Variants in IL11RA observed in about 807,000 individuals in gnomAD.
IL11RA encodes interleukin 11 receptor subunit alpha, also known as interleukin-11 receptor subunit alpha.
Under a neutral mutation model 57.0 loss-of-function variants are expected in IL11RA, and 51 were observed. The observed-to-expected ratio is 0.89, with a 90% CI of 0.71 to 1.13. The LOEUF (loss-of-function observed/expected upper bound fraction) is 1.13, where lower values mean the gene tolerates loss of function less well. Ranked by LOEUF, IL11RA falls within the 50% of genes most tolerant of loss-of-function variation. The probability of loss-of-function intolerance (pLI) is 0.00; values close to 1 mark genes in which losing one functional copy is unlikely to be tolerated. For synonymous variants in IL11RA, 199 were observed against 217.5 expected (o/e 0.91, Z 0.75); for missense variants, 498 against 539.4 (o/e 0.92, Z 0.76).
rs1039512491 is a variant in IL11RA at position 34,655,908 on chromosome 9, C to T, written c.161+243C>T. On this transcript the variant is annotated intron_variant, in intron 3 of 12. Coordinates refer to ENST00000441545, the MANE Select transcript of IL11RA (RefSeq NM_001142784.3). The stretch of plus-strand genomic sequence containing the variant: ...GCAGTGCTAATGCCAGGCAAGGTGC[C>T]TGCCTTCAAAGAGCTTACATCTTAG... 24 of 576,174 alleles carry T rather than the reference C, an allele frequency of 4.2e-5. 1 individual carries two copies. Among genetic ancestry groups the T allele is most frequent in the Middle Eastern group, 9.4e-4 (2 of 2,138 alleles). 35.7% of individuals were successfully genotyped at this position (576,174 alleles called of 1,614,324 possible).
intron 5 of IL11RA, 62 bp from the exon 6 acceptor site, chr9:34,657,241 C>T (rs1281836684): frequency 6.2e-7 from 1 of 1,612,378 alleles, no homozygotes; most frequent in Non-Finnish European, 8.5e-7. Flanking sequence ...CTGAGGAAAG[C>T]CTCAGAGAGG....
At chr9:34,659,584 G>A (rs1282201147) in intron 8 of IL11RA, among the ~76,000 whole-genome samples, 175 bp from the exon 9 acceptor site, 1 of 152,154 alleles carries the variant, frequency 6.6e-6, no homozygotes, top group African/African-American at 2.4e-5. Flanking sequence ...AATCACTACT[G>A]CCGTCTTACA....
chr9:34,655,526 G>A, intron 2 of IL11RA, 79 bp from the exon 3 acceptor site: 1 of 1,339,406 alleles, frequency 7.5e-7, no homozygotes, highest in Non-Finnish European at 1.1e-6. Flanking sequence ...GGTTTTAACA[G>A]TCTGCTTCTT....
rs746625153 is a variant in IL11RA at position 34,655,335 on chromosome 9, C to G, written c.100+18C>G. 1.1e-5 allele frequency: 15 copies of G among 1,405,744 alleles called. 1 individual carries two copies. The highest frequency in any genetic ancestry group is 1.1e-4 in the South Asian group (9 of 85,138). 87.1% of individuals were successfully genotyped at this position (1,405,744 alleles called of 1,614,324 possible). A position where few individuals can be genotyped will look rare whatever the true frequency, so the allele number is the denominator to read the frequency against. On this transcript the variant is annotated intron_variant, in intron 2 of 12. Transcript: ENST00000441545. ...CCCCCCAGGTGAGAAGAACCCTGCTCTACAACCTCCCAACTCTGACTTGTG... is the reference window on the plus strand; with the variant it reads ...CCCCCCAGGTGAGAAGAACCCTGCTGTACAACCTCCCAACTCTGACTTGTG...
intron 8 of IL11RA, among the ~76,000 whole-genome samples, chr9:34,659,174 C>T (rs575617491): frequency 2.0e-5 from 3 of 152,284 alleles, no homozygotes; most frequent in African/African-American, 4.8e-5. Flanking sequence ...CTGCCCACCT[C>T]GGCCTCCCAA....
At chr9:34,661,043 C>A in intron 12 of IL11RA, 107 bp downstream of exon 12, 1 of 905,024 alleles carries the variant, frequency 1.1e-6, no homozygotes, top group South Asian at 1.3e-5. Context: ...GCTGGGAATC[C>A]AAGTTGGGTC....
rs1821281843 is a variant in IL11RA at position 34,653,058 on chromosome 9, TC to T, written c.-1+828del. On this transcript the variant is annotated intron_variant, in intron 1 of 12. Coordinates refer to ENST00000441545, the MANE Select transcript of IL11RA (RefSeq NM_001142784.3). The surrounding 1 kb of genome is among the most constrained non-coding windows in gnomAD (Gnocchi z 4.5). ...TCTCTCTGTGCCCCTATGCCTGCCT[TC>T]CCTGCTGATCTTGATCTCTGGCTAG... 6.6e-6 allele frequency among the ~76,000 whole-genome samples: 1 copy of T among 152,188 alleles called. No individual in the cohort carries two copies. Among genetic ancestry groups the T allele is most frequent in the Non-Finnish European group, 1.5e-5 (1 of 68,046 alleles).
rs1821268070 is a variant in IL11RA, at chr9:34,652,200, G to GGGCAGAGGGCGCTGGC, written c.-28_-13dup. On this transcript the variant is annotated 5_prime_UTR_variant, in exon 1 of 13. Transcript: ENST00000441545. The stretch of plus-strand genomic sequence containing the variant: ...AGGCCGGGGCAGAGGGCGAGGGCGA[G>GGGCAGAGGGCGCTGGC]GGCAGAGGGCGCTGGCGGCAGCGGC... 1 of 153,582 alleles carries GGGCAGAGGGCGCTGGC rather than the reference G, an allele frequency of 6.5e-6. No individual in the cohort carries two copies. The highest frequency in any genetic ancestry group is 1.5e-5 in the Non-Finnish European group (1 of 68,574). 9.5% of individuals were successfully genotyped at this position (153,582 alleles called of 1,614,324 possible). A position where few individuals can be genotyped will look rare whatever the true frequency, so the allele number is the denominator to read the frequency against.
rs1315269534 is a variant in IL11RA at position 34,653,316 on chromosome 9, G to A, written c.-1+1083G>A. ...AGTGACCGCATGTGAGAGTGTATGA[G>A]TCTGAGGGTAACTGTGGGTCTTGTG... On this transcript the variant is annotated intron_variant, in intron 1 of 12. Coordinates refer to ENST00000441545, the MANE Select transcript of IL11RA (RefSeq NM_001142784.3). The surrounding 1 kb of genome is among the most constrained non-coding windows in gnomAD (Gnocchi z 4.5). Among the ~76,000 whole-genome samples the A allele has an allele frequency of 1.3e-5, 2 of 152,196 alleles. No homozygotes were observed. The highest frequency in any genetic ancestry group is 4.1e-4 in the South Asian group (2 of 4,832).
At chr9:34,660,995 C>G (rs992796497) in intron 12 of IL11RA, 59 bp downstream of exon 12, 3 of 1,373,078 alleles carry the variant, frequency 2.2e-6, no homozygotes, top group Non-Finnish European at 3.1e-6. Context: ...TTTGAGTGTC[C>G]AGATTAAGAG....
Position 34,659,779 on chromosome 9 carries a change from G to A in IL11RA, c.831G>A (p.Glu277=). ...AWSTVEPAGL[E]EVITDAVAGL... ...CCCAGGTGGAGCCAGCTGGACTGGA[G>A]GAGGTGATCACAGATGCTGTGGCTG... The change falls in exon 9 of 13, where the codon GAG becomes GAA. Residue 277 remains glutamate (E), a synonymous_variant. Coordinates refer to ENST00000441545, the MANE Select transcript of IL11RA (RefSeq NM_001142784.3). 1 of 1,614,226 alleles carries A rather than the reference G, an allele frequency of 6.2e-7. No homozygotes were observed. The highest frequency in any genetic ancestry group is 8.5e-7 in the Non-Finnish European group (1 of 1,180,042).
chr9:34,654,617 G>A (rs901823871), intron 1 of IL11RA, among the ~76,000 whole-genome samples: 1 of 152,180 alleles, frequency 6.6e-6, no homozygotes, highest in African/African-American at 2.4e-5. Flanking sequence ...AGGCCCAGCT[G>A]AGTGGCCCAA....
At chr9:34,655,004 T>TCC (rs386414876) in intron 1 of IL11RA, 1 of 552,318 alleles carries the variant, frequency 1.8e-6, no homozygotes, top group Non-Finnish European at 3.3e-6. Flanking sequence ...CGTGTGTGTG[T>TCC]GTGTGTGTGT....
intron 9 of IL11RA, 118 bp downstream of exon 9, chr9:34,660,018 C>G (rs1007714825): frequency 2.4e-5 from 33 of 1,352,630 alleles, no homozygotes; most frequent in Non-Finnish European, 3.3e-5. Flanking sequence ...ACGGCAATTG[C>G]TGTCCCAGAC....
In IL11RA at chr9:34,653,508, G is replaced by A. The variant is rs573749229; in HGVS notation, c.-1+1275G>A. On this transcript the variant is annotated intron_variant, in intron 1 of 12. Coordinates refer to ENST00000441545, the MANE Select transcript of IL11RA (RefSeq NM_001142784.3). The surrounding 1 kb of genome is among the most constrained non-coding windows in gnomAD (Gnocchi z 4.5). ...CCTTCCCCTGGAAGCACAGCCAGCT[G>A]TACCCTAAGGAAACATTTGGTGAGG... Among the ~76,000 whole-genome samples the A allele has an allele frequency of 2.6e-5, 4 of 152,194 alleles. No individual in the cohort carries two copies. Among genetic ancestry groups the A allele is most frequent in the East Asian group, 1.9e-4 (1 of 5,192 alleles).
rs781199286 is a variant in IL11RA at position 34,657,303 on chromosome 9, G to T, written c.447G>T (p.Arg149Ser). 1 of 1,614,062 alleles carries T rather than the reference G, an allele frequency of 6.2e-7. No homozygotes were observed. The highest frequency in any genetic ancestry group is 8.5e-7 in the Non-Finnish European group (1 of 1,180,036). Reference protein sequence around the residue: ...GLPTRYLTSYRKKTVLGADSQ... With the variant: ...GLPTRYLTSYSKKTVLGADSQ... Reference sequence around the variant, plus strand: ...CTTCAGATGGCCCCCTCCCCACCAGGAAGAAGACAGTCCTAGGAGCTGATA... The same window carrying T: ...CTTCAGATGGCCCCCTCCCCACCAGTAAGAAGACAGTCCTAGGAGCTGATA... Residue 149 changes from arginine (R) to serine (S), a missense_variant and splice_region_variant, in exon 6 of 13, where the codon AGG becomes AGT. By Grantham distance (110) the Arg-to-Ser change is moderately radical. Coordinates refer to ENST00000441545, the MANE Select transcript of IL11RA (RefSeq NM_001142784.3).
At chr9:34,660,977 G>T (rs780724982) in intron 12 of IL11RA, 41 bp downstream of exon 12, 3 of 1,525,864 alleles carry the variant, frequency 2.0e-6, no homozygotes, top group South Asian at 1.1e-5. Flanking sequence ...GGAGATGTTT[G>T]CCCCTATTTT....
At position 34,658,747 on chromosome 9, in the gene IL11RA, GTGTTC is replaced by G. The variant is rs2132357769; in HGVS notation, c.810+68_810+72del. On this transcript the variant is annotated intron_variant, in intron 8 of 12. Transcript: ENST00000441545. This position sits in a 1 kb window ranked among gnomAD's most constrained non-coding sequence, Gnocchi z 4.0. The stretch of plus-strand genomic sequence containing the variant: ...CCTGTCTCTGATTTCACGATCCTGG[GTGTTC>G]TGTATAGCTTTCCAGTGCTGGCAGG... 6.4e-7 allele frequency: 1 copy of G among 1,569,914 alleles called. No homozygotes were observed. Among genetic ancestry groups the G allele is most frequent in the East Asian group, 2.2e-5 (1 of 44,696 alleles).
At chr9:34,661,025 T>A in intron 12 of IL11RA, 89 bp downstream of exon 12, 2 of 1,082,724 alleles carry the variant, frequency 1.8e-6, no homozygotes, top group Non-Finnish European at 2.9e-6. Flanking sequence ...CTAGTCATTT[T>A]AAAACATGCT....
Sources: gnomAD v4.1 joint callset for allele counts (sites outside exome capture counted in the v4.1 genomes callset) on GRCh38, gnomAD v4.1.1 for gene constraint, Gnocchi (gnomAD v3.1) non-coding constraint, MANE v1.5 for transcripts, NCBI Gene and HGNC (gene_info 2026-07-23, HGNC 2026-07-21) for gene names.